Variants in ACOXL observed in about 807,000 individuals in gnomAD.
The protein encoded by ACOXL is acyl-coenzyme A oxidase-like protein.
Under a neutral mutation model 71.9 loss-of-function variants are expected in ACOXL, and 70 were observed. That is an observed-to-expected ratio of 0.97 (90% CI 0.80 to 1.19). ACOXL has a LOEUF of 1.19. ACOXL is among the 50% of genes most tolerant of loss of function. ACOXL has a pLI of 0.00. For missense variants in ACOXL, 703 were observed against 736.3 expected (o/e 0.95, Z 0.52); for synonymous variants, 253 against 281.6 (o/e 0.90, Z 1.02).
At chr2:110,798,763 A>G (rs750150925) in intron 6 of ACOXL, 39 bp downstream of exon 6, 5 of 1,561,990 alleles carry the variant, frequency 3.2e-6, no homozygotes, top group Non-Finnish European at 4.4e-6. Context: ...AATTCTCTTC[A>G]TTAGTACTAT....
chr2:110,992,894 C>T (rs564034657), intron 13 of ACOXL, among the ~76,000 whole-genome samples: 1 of 152,174 alleles, frequency 6.6e-6, no homozygotes, highest in East Asian at 1.9e-4. Context: ...CTACATTATG[C>T]TGTAAAATTT....
At chr2:110,895,175 G>GA (rs2058958062) in intron 10 of ACOXL, among the ~76,000 whole-genome samples, 2 of 151,854 alleles carry the variant, frequency 1.3e-5, no homozygotes, top group Admixed American at 6.6e-5. Context: ...GCTGAAACAT[G>GA]AAAAAATCTC....
chr2:110,778,957 T>C (rs1390436828), intron 2 of ACOXL, among the ~76,000 whole-genome samples: 1 of 152,228 alleles, frequency 6.6e-6, no homozygotes, highest in African/African-American at 2.4e-5. Flanking sequence ...CATTATTACC[T>C]GCCACCAATA....
chr2:110,845,180 G>A, intron 10 of ACOXL, among the ~76,000 whole-genome samples: 1 of 152,206 alleles, frequency 6.6e-6, no homozygotes, highest in East Asian at 1.9e-4. Flanking sequence ...TCAGTTGTCT[G>A]GTGAGGGCCT....
chr2:110,742,808 A>G (rs1352829800), intron 1 of ACOXL, among the ~76,000 whole-genome samples: 2 of 152,246 alleles, frequency 1.3e-5, no homozygotes, highest in Non-Finnish European at 2.9e-5. Flanking sequence ...AACACAGGAA[A>G]AAAGCTTCTT....
At chr2:110,996,234 A>G (rs1035786397) in intron 14 of ACOXL, among the ~76,000 whole-genome samples, 1 of 152,146 alleles carries the variant, frequency 6.6e-6, no homozygotes, top group African/African-American at 2.4e-5. Context: ...ACCTGCAGGC[A>G]TCATGTGGCT....
chr2:110,868,901 T>C (rs1260941207), intron 10 of ACOXL, among the ~76,000 whole-genome samples: 2 of 152,188 alleles, frequency 1.3e-5, no homozygotes, highest in East Asian at 3.9e-4. Context: ...TGGAGTTTCT[T>C]ATGTTGCTAA....
intron 12 of ACOXL, among the ~76,000 whole-genome samples, chr2:110,940,743 C>T (rs2060838484): frequency 6.6e-6 from 1 of 152,200 alleles, no homozygotes; most frequent in African/African-American, 2.4e-5. Context: ...AACATTATCA[C>T]TCTGTGTTAG....
chr2:110,908,530 C>T (rs916498421), intron 10 of ACOXL, among the ~76,000 whole-genome samples: 1 of 152,210 alleles, frequency 6.6e-6, no homozygotes, highest in Non-Finnish European at 1.5e-5. Flanking sequence ...GTAAAAATTA[C>T]TCTGGTGTTA....
intron 11 of ACOXL, 134 bp downstream of exon 11, chr2:110,909,039 C>G (rs1290460785): frequency 3.0e-6 from 2 of 656,276 alleles, no homozygotes. Flanking sequence ...AAATCGGATG[C>G]CCAGGTTAAA....
intron 14 of ACOXL, 37 bp from the exon 15 acceptor site, chr2:111,031,590 A>G: frequency 1.3e-6 from 2 of 1,581,908 alleles, no homozygotes; most frequent in Non-Finnish European, 1.7e-6. Context: ...CTCTCACAAT[A>G]TCCTCAATGG....
chr2:111,018,750 C>T (rs1278016252), intron 14 of ACOXL, among the ~76,000 whole-genome samples: 4 of 151,634 alleles, frequency 2.6e-5, no homozygotes, highest in Admixed American at 1.3e-4. Flanking sequence ...TGATGGGGAG[C>T]GAGCTGAGGG....
chr2:111,101,255 A>C (rs944451399), intron 17 of ACOXL: 3 of 152,336 alleles, frequency 2.0e-5, no homozygotes, highest in Non-Finnish European at 4.4e-5. Flanking sequence ...AACACACAAA[A>C]AAAAATTAGG....
chr2:110,854,872 C>G (rs1431531368), intron 10 of ACOXL, among the ~76,000 whole-genome samples: 1 of 152,210 alleles, frequency 6.6e-6, no homozygotes, highest in Non-Finnish European at 1.5e-5. Flanking sequence ...GCCTAGCACC[C>G]CACCTCCACC....
intron 16 of ACOXL, among the ~76,000 whole-genome samples, chr2:111,083,724 C>A (rs534533913): frequency 8.5e-5 from 13 of 152,102 alleles, no homozygotes; most frequent in Non-Finnish European, 1.5e-4. Flanking sequence ...AGGCAAGATA[C>A]TACAAGAGCT....
At chr2:111,049,424 A>G (rs2066174753) in intron 16 of ACOXL, 136 bp downstream of exon 16, 3 of 696,350 alleles carry the variant, frequency 4.3e-6, no homozygotes, top group South Asian at 3.6e-5. Context: ...AGCTTGTCAT[A>G]GGCGAATTGG....
chr2:110,741,552 C>T (rs188592902), intron 1 of ACOXL, among the ~76,000 whole-genome samples: 6 of 152,208 alleles, frequency 3.9e-5, no homozygotes, highest in Admixed American at 2.6e-4. Context: ...CGTGCACCCG[C>T]GTGTTTGTGT....
chr2:111,077,009 A>G (rs1467187503), intron 16 of ACOXL, among the ~76,000 whole-genome samples: 2 of 152,164 alleles, frequency 1.3e-5, no homozygotes, highest in African/African-American at 4.8e-5. Flanking sequence ...ATAATCCAGA[A>G]TAATCTCTCC....
At chr2:110,771,474 G>A (rs1681920425) in intron 2 of ACOXL, among the ~76,000 whole-genome samples, 1 of 152,202 alleles carries the variant, frequency 6.6e-6, no homozygotes, top group African/African-American at 2.4e-5. Flanking sequence ...GGTGTATAAT[G>A]TGTAATGATG....
Sources: gnomAD v4.1 joint callset for allele counts (sites outside exome capture counted in the v4.1 genomes callset) on GRCh38, gnomAD v4.1.1 for gene constraint, MANE v1.5 for transcripts, NCBI Gene and HGNC (gene_info 2026-07-23, HGNC 2026-07-21) for gene names.